The following PCDH9 variants were observed in gnomAD, a reference collection of about 807,000 sequenced individuals.
The protein encoded by PCDH9 is protocadherin 9.
PCDH9 carries 24 observed loss-of-function variants against 70.6 expected under a neutral mutation model. The observed-to-expected ratio is 0.34, with a 90% CI of 0.25 to 0.48. The LOEUF is 0.48. PCDH9 is among the 20% of genes least tolerant of loss of function. PCDH9 has a pLI of 0.99. For missense variants in PCDH9, 1,281 were observed against 1,503.6 expected (o/e 0.85, Z 2.45); for synonymous variants, 562 against 558.5 (o/e 1.01, Z -0.09).
chr13:66,425,793 C>A (rs904881430), intron 4 of PCDH9, among the ~76,000 whole-genome samples: 1 of 151,554 alleles, frequency 6.6e-6, no homozygotes, highest in Non-Finnish European at 1.5e-5. Flanking sequence ...ACTTATCATA[C>A]ATTGGATGAA....
chr13:66,908,833 C>T lies in PCDH9; in HGVS notation c.3037-5228G>A, dbSNP rs539031346. ...GCTCATCAAACTTTATTGAACAAAT[C>T]AGTGTTCAGGTGCAGTGACACATAT... is the stretch of plus-strand genomic sequence containing the variant. On this transcript the variant is annotated intron_variant, in intron 2 of 4. Transcript: ENST00000377865. 1.4e-4 allele frequency among the ~76,000 whole-genome samples: 22 copies of T among 152,118 alleles called. No individual in the cohort carries two copies. The South Asian group carries it at 2.7e-3, about 19-fold the overall frequency.
At chr13:66,432,785 T>C (rs1006145438) in intron 4 of PCDH9, among the ~76,000 whole-genome samples, 18 of 152,000 alleles carry the variant, frequency 1.2e-4, no homozygotes, top group African/African-American at 4.1e-4. Flanking sequence ...ACAAAAATGA[T>C]AACATGCATA....
chr13:66,897,878 G>A (rs542789226), intron 3 of PCDH9, among the ~76,000 whole-genome samples: 12 of 152,174 alleles, frequency 7.9e-5, no homozygotes, highest in African/African-American at 2.9e-4. Flanking sequence ...GCCAGAAATT[G>A]TCCTGTGATT....
intron 2 of PCDH9, among the ~76,000 whole-genome samples, chr13:67,119,470 C>A (rs1004780920): frequency 6.6e-6 from 1 of 151,940 alleles, no homozygotes; most frequent in Non-Finnish European, 1.5e-5. Flanking sequence ...CAAACATATT[C>A]TTAGACATTG....
chr13:66,897,045 T>C (rs1189946062), intron 3 of PCDH9, among the ~76,000 whole-genome samples: 1 of 152,208 alleles, frequency 6.6e-6, no homozygotes, highest in African/African-American at 2.4e-5. Context: ...TGAGTATCTC[T>C]TGTTTTAGCA....
intron 2 of PCDH9, among the ~76,000 whole-genome samples, chr13:67,185,579 A>G (rs1003940283): frequency 9.2e-5 from 14 of 152,214 alleles, no homozygotes; most frequent in African/African-American, 3.4e-4. Flanking sequence ...ATGATCCAGA[A>G]ATAAGTTAAT....
chr13:66,820,538 C>T (rs1008580241), intron 3 of PCDH9, among the ~76,000 whole-genome samples: 7 of 152,102 alleles, frequency 4.6e-5, no homozygotes, highest in African/African-American at 7.2e-5. Flanking sequence ...CTTATAAAGA[C>T]GGATACATGT....
At chr13:66,837,909 C>G (rs917490126) in intron 3 of PCDH9, among the ~76,000 whole-genome samples, 4 of 151,878 alleles carry the variant, frequency 2.6e-5, no homozygotes, top group African/African-American at 7.3e-5. Context: ...TCTCCCATTT[C>G]AATCAAAGAG....
At chr13:67,078,291 C>A (rs944063299) in intron 2 of PCDH9, among the ~76,000 whole-genome samples, 3 of 152,158 alleles carry the variant, frequency 2.0e-5, no homozygotes, top group Admixed American at 1.3e-4. Flanking sequence ...CTTAGACCTG[C>A]ACTTAGTCCC....
chr13:66,850,210 T>C (rs1023727955), intron 3 of PCDH9, among the ~76,000 whole-genome samples: 1 of 152,166 alleles, frequency 6.6e-6, no homozygotes, highest in African/African-American at 2.4e-5. Flanking sequence ...GATGGTAAGG[T>C]ACAACTATCA....
chr13:66,498,515 C>G (rs1594069699), intron 4 of PCDH9, among the ~76,000 whole-genome samples: 1 of 151,970 alleles, frequency 6.6e-6, no homozygotes, highest in Admixed American at 6.6e-5. Context: ...GCATTGGCTA[C>G]TCACCTACTG....
At chr13:66,329,499 C>T (rs1955902512) in intron 4 of PCDH9, among the ~76,000 whole-genome samples, 1 of 152,152 alleles carries the variant, frequency 6.6e-6, no homozygotes, top group African/African-American at 2.4e-5. Context: ...AATCTATGCT[C>T]AACCTTTTCC....
intron 2 of PCDH9, among the ~76,000 whole-genome samples, chr13:67,186,498 A>C (rs1466959557): frequency 6.6e-6 from 1 of 152,148 alleles, no homozygotes; most frequent in East Asian, 1.9e-4. Context: ...GGGATTTTGC[A>C]TTTCTAACAA....
intron 4 of PCDH9, among the ~76,000 whole-genome samples, chr13:66,405,717 A>T (rs1957268886): frequency 6.6e-6 from 1 of 152,118 alleles, no homozygotes; most frequent in Non-Finnish European, 1.5e-5. Context: ...ATATAGGAGG[A>T]CAGAATGTTT....
chr13:66,424,524 A>G (rs995428850), intron 4 of PCDH9, among the ~76,000 whole-genome samples: 2 of 151,942 alleles, frequency 1.3e-5, no homozygotes, highest in Non-Finnish European at 2.9e-5. Context: ...TTCATCATCT[A>G]TATGTGCAAA....
At chr13:66,416,948 A>G (rs868713428) in intron 4 of PCDH9, among the ~76,000 whole-genome samples, 1 of 152,218 alleles carries the variant, frequency 6.6e-6, no homozygotes. Flanking sequence ...GTTATCAAAT[A>G]TTTTAACTGT....
At chr13:67,030,117 G>C (rs2084873620) in intron 2 of PCDH9, among the ~76,000 whole-genome samples, 1 of 152,070 alleles carries the variant, frequency 6.6e-6, no homozygotes, top group Non-Finnish European at 1.5e-5. Flanking sequence ...GTCTCGCTCT[G>C]TCACCCAGGC....
intron 2 of PCDH9, among the ~76,000 whole-genome samples, chr13:66,988,407 A>G (rs1472870235): frequency 2.6e-5 from 4 of 152,040 alleles, no homozygotes; most frequent in African/African-American, 9.7e-5. Context: ...TGGAAACAAC[A>G]GCTCCTTATG....
chr13:66,820,475 C>T (rs531112264), intron 3 of PCDH9, among the ~76,000 whole-genome samples: 3 of 152,176 alleles, frequency 2.0e-5, no homozygotes, highest in Admixed American at 1.3e-4. Flanking sequence ...AAATGCCATT[C>T]GACCCAGCAA....
Sources: gnomAD v4.1 joint callset for allele counts (sites outside exome capture counted in the v4.1 genomes callset) on GRCh38, gnomAD v4.1.1 for gene constraint, MANE v1.5 for transcripts, NCBI Gene and HGNC (gene_info 2026-07-23, HGNC 2026-07-21) for gene names.